Variants in AP4E1 observed in about 807,000 individuals in gnomAD.
The protein encoded by AP4E1 is adaptor related protein complex 4 subunit epsilon 1.
AP4E1 carries 56 observed loss-of-function variants against 128.2 expected under a neutral mutation model. That is an observed-to-expected ratio of 0.44 (90% CI 0.35 to 0.55). The LOEUF is 0.55. AP4E1 is among the 20% of genes least tolerant of loss of function. The pLI is 0.00. For synonymous variants in AP4E1, 484 were observed against 473.1 expected (o/e 1.02, Z -0.30); for missense variants, 1,324 against 1,307.7 (o/e 1.01, Z -0.19).
intron 8 of AP4E1, among the ~76,000 whole-genome samples, chr15:50,938,481 G>C (rs1265406535): frequency 6.6e-6 from 1 of 152,068 alleles, no homozygotes; most frequent in Non-Finnish European, 1.5e-5. Flanking sequence ...CCCCCCACTA[G>C]AGTGGTGACA....
At chr15:50,998,641 A>G (rs541361960) in intron 18 of AP4E1, among the ~76,000 whole-genome samples, 8 of 152,126 alleles carry the variant, frequency 5.3e-5, no homozygotes, top group Admixed American at 1.3e-4. Flanking sequence ...AAAAAAAAGA[A>G]TCATCTGTGG....
At chr15:50,981,272 C>T (rs1325347417) in intron 15 of AP4E1, among the ~76,000 whole-genome samples, 1 of 152,152 alleles carries the variant, frequency 6.6e-6, no homozygotes, top group Non-Finnish European at 1.5e-5. Flanking sequence ...CCAGTGTTCC[C>T]AAAAGGTGGG....
At chr15:50,955,737 C>G (rs1305338917) in intron 13 of AP4E1, among the ~76,000 whole-genome samples, 2 of 152,178 alleles carry the variant, frequency 1.3e-5, no homozygotes, top group Admixed American at 6.5e-5. Flanking sequence ...TCCACTGACA[C>G]TGCAGGGGAG....
At chr15:50,922,068 G>C (rs1042816402) in intron 3 of AP4E1, among the ~76,000 whole-genome samples, 2 of 148,032 alleles carry the variant, frequency 1.4e-5, no homozygotes, top group Non-Finnish European at 3.0e-5. Context: ...GCTCACTCCT[G>C]TAATCCCAGC....
Position 50,993,419 on chromosome 15 carries a change from G to C in AP4E1, c.2140G>C (p.Gly714Arg). 6.2e-7 allele frequency: 1 copy of C among 1,613,950 alleles called. No individual in the cohort carries two copies. The highest frequency in any genetic ancestry group is 8.5e-7 in the Non-Finnish European group (1 of 1,179,940). ...EGIKKLWGKE[G>R]YLPKKESKTG... Reference sequence around the variant, plus strand: ...TATAAAGAAATTGTGGGGGAAAGAAGGCTATCTTCCCAAGAAGGAAAGCAA... The same window carrying C: ...TATAAAGAAATTGTGGGGGAAAGAACGCTATCTTCCCAAGAAGGAAAGCAA... Residue 714 changes from glycine (G) to arginine (R), a missense_variant, in exon 17 of 21, where the codon GGC becomes CGC. By Grantham distance (125) the Gly-to-Arg change is moderately radical (BLOSUM62 -2). Coordinates refer to ENST00000261842, the MANE Select transcript of AP4E1 (RefSeq NM_007347.5).
chr15:50,911,198 G>A (rs191757907), intron 1 of AP4E1, among the ~76,000 whole-genome samples: 2 of 152,246 alleles, frequency 1.3e-5, no homozygotes, highest in Admixed American at 1.3e-4. Flanking sequence ...AAAAAATGGG[G>A]CCAATTTTTT....
intron 14 of AP4E1, among the ~76,000 whole-genome samples, chr15:50,965,881 A>C (rs1175831504): frequency 1.3e-5 from 2 of 151,476 alleles, no homozygotes; most frequent in Non-Finnish European, 2.9e-5. Flanking sequence ...CACTCTCTTT[A>C]TTTCATATCA....
intron 5 of AP4E1, among the ~76,000 whole-genome samples, chr15:50,928,129 AAG>A (rs1012950154): frequency 2.6e-5 from 4 of 152,182 alleles, no homozygotes; most frequent in African/African-American, 9.7e-5. Context: ...GAACTGGGCA[AAG>A]AGAGGAATAA....
intron 16 of AP4E1, among the ~76,000 whole-genome samples, chr15:50,985,248 A>G (rs1033089133): frequency 1.3e-5 from 2 of 151,930 alleles, no homozygotes; most frequent in South Asian, 4.1e-4. Flanking sequence ...ATTTTTTCCC[A>G]TTCTGTAGGT....
At chr15:50,923,318 T>G (rs2063729560) in intron 3 of AP4E1, among the ~76,000 whole-genome samples, 1 of 152,236 alleles carries the variant, frequency 6.6e-6, no homozygotes, top group Admixed American at 6.5e-5. Context: ...TGTTTTAATA[T>G]TATTGCAATA....
At chr15:50,912,434 G>A (rs1157109550) in intron 2 of AP4E1, among the ~76,000 whole-genome samples, 1 of 152,122 alleles carries the variant, frequency 6.6e-6, no homozygotes, top group Non-Finnish European at 1.5e-5. Context: ...TTAATGTTAT[G>A]CATTTGGAAA....
chr15:50,912,970 GA>G (rs1490223702), intron 2 of AP4E1, among the ~76,000 whole-genome samples: 1 of 151,958 alleles, frequency 6.6e-6, no homozygotes, highest in African/African-American at 2.4e-5. Flanking sequence ...TGCCTGGCCT[GA>G]TTTTTTTTTA....
intron 16 of AP4E1, among the ~76,000 whole-genome samples, chr15:50,988,755 A>G (rs1370886510): frequency 1.3e-5 from 2 of 152,170 alleles, no homozygotes; most frequent in Non-Finnish European, 2.9e-5. Context: ...CACCGTTGTA[A>G]AGCCAAAAAA....
At chr15:50,921,864 G>T (rs180674757) in intron 3 of AP4E1, among the ~76,000 whole-genome samples, 158 of 151,170 alleles carry the variant, frequency 1.0e-3, no homozygotes, top group African/African-American at 3.6e-3. Flanking sequence ...CTTTTTTTCT[G>T]ATTGTTGAAA....
intron 10 of AP4E1, chr15:50,946,127 T>C (rs1273296098): frequency 1.9e-6 from 1 of 531,392 alleles, no homozygotes; most frequent in African/African-American, 2.0e-5. Context: ...TTATTGTTGC[T>C]CCTTTTAGCT....
chr15:50,970,428 G>A (rs561782584), intron 15 of AP4E1, among the ~76,000 whole-genome samples: 33 of 152,306 alleles, frequency 2.2e-4, no homozygotes, highest in African/African-American at 7.2e-4. Flanking sequence ...AAACATTGAA[G>A]TGCTAGATAA....
chr15:50,966,594 TGGTAC>T (rs1260294193), intron 14 of AP4E1, among the ~76,000 whole-genome samples: 4 of 143,884 alleles, frequency 2.8e-5, no homozygotes, highest in Non-Finnish European at 6.0e-5. Context: ...TGGAGTGCAA[TGGTAC>T]GATCTCGGCT....
intron 7 of AP4E1, among the ~76,000 whole-genome samples, chr15:50,931,685 A>G (rs2063838392): frequency 6.6e-6 from 1 of 152,220 alleles, no homozygotes; most frequent in African/African-American, 2.4e-5. Context: ...TAGAACATAA[A>G]TAAACATTAT....
At chr15:50,927,145 CCTTA>C (rs1218305145) in intron 5 of AP4E1, among the ~76,000 whole-genome samples, 16 of 152,258 alleles carry the variant, frequency 1.1e-4, no homozygotes, top group African/African-American at 3.8e-4. Context: ...TTTGTGGTGA[CCTTA>C]CTTACTGACC....
Sources: gnomAD v4.1 joint callset for allele counts (sites outside exome capture counted in the v4.1 genomes callset) on GRCh38, gnomAD v4.1.1 for gene constraint, MANE v1.5 for transcripts, NCBI Gene and HGNC (gene_info 2026-07-23, HGNC 2026-07-21) for gene names.